Variants in KIAA1549L observed in about 807,000 individuals in gnomAD.
KIAA1549L encodes the protein UPF0606 protein KIAA1549L.
KIAA1549L carries 88 observed loss-of-function variants against 160.7 expected under a neutral mutation model. The ratio of observed to expected loss-of-function variants is 0.55; its 90% confidence interval spans 0.46 to 0.65. The LOEUF (loss-of-function observed/expected upper bound fraction) is 0.65, where lower values mean the gene tolerates loss of function less well. Among genes scored for constraint, KIAA1549L ranks in the 30% least tolerant of loss-of-function variants. The probability of loss-of-function intolerance (pLI) is 0.00; values close to 1 mark genes in which losing one functional copy is unlikely to be tolerated. For missense variants in KIAA1549L, 2,258 were observed against 2,437.5 expected (o/e 0.93, Z 1.55); for synonymous variants, 950 against 976.7 (o/e 0.97, Z 0.51).
intron 16 of KIAA1549L, among the ~76,000 whole-genome samples, chr11:33,642,403 T>G (rs1590430895): frequency 6.6e-6 from 1 of 152,214 alleles, no homozygotes; most frequent in South Asian, 2.1e-4. Context: ...GGCAAGTTAC[T>G]TCTATAGAAG....
chr11:33,666,188 C>T (rs1408998318), intron 20 of KIAA1549L, among the ~76,000 whole-genome samples: 1 of 152,058 alleles, frequency 6.6e-6, no homozygotes, highest in African/African-American at 2.4e-5. Context: ...CTCCATAGAG[C>T]AGGAGGCCTG....
chr11:33,609,690 T>A lies in KIAA1549L; in HGVS notation c.5062-59T>A, dbSNP rs184006040. 344 of 1,347,918 alleles carry A rather than the reference T, an allele frequency of 2.6e-4. 1 individual carries two copies. In the African/African-American group the frequency reaches 4.1e-3, roughly 16 times the overall value. 83.5% of individuals were successfully genotyped at this position (1,347,918 alleles called of 1,614,324 possible). A position where few individuals can be genotyped will look rare whatever the true frequency, so the allele number is the denominator to read the frequency against. On this transcript the variant is annotated intron_variant, in intron 14 of 20. Coordinates refer to ENST00000658780, the MANE Select transcript of KIAA1549L (RefSeq NM_012194.3). ...AGAAGTGATAACCTCCTGGTGAAAG[T>A]CTCCCACCTGCCGGCCCCACTGGGT...
chr11:33,515,719 A>G (rs1853328493), intron 1 of KIAA1549L, among the ~76,000 whole-genome samples: 1 of 151,896 alleles, frequency 6.6e-6, no homozygotes, highest in Non-Finnish European at 1.5e-5. Flanking sequence ...CCTCTTTTTC[A>G]TTTGGTTTCT....
At chr11:33,553,940 A>G (rs1854560014) in intron 6 of KIAA1549L, among the ~76,000 whole-genome samples, 1 of 152,240 alleles carries the variant, frequency 6.6e-6, no homozygotes, top group African/African-American at 2.4e-5. Flanking sequence ...ATAGGAGGTG[A>G]TTCGAAGATT....
chr11:33,581,607 C>T (rs1012331070), intron 10 of KIAA1549L, among the ~76,000 whole-genome samples: 2 of 152,138 alleles, frequency 1.3e-5, no homozygotes, highest in South Asian at 2.1e-4. Flanking sequence ...CCTATCACAG[C>T]GCCTAACACA....
At chr11:33,437,919 C>CCTGGTTT (rs1417992131) in intron 1 of KIAA1549L, among the ~76,000 whole-genome samples, 1 of 152,148 alleles carries the variant, frequency 6.6e-6, no homozygotes, top group Non-Finnish European at 1.5e-5. Flanking sequence ...TTTCCTGGTT[C>CCTGGTTT]CTGGTTTGCA....
chr11:33,462,076 C>T (rs184879028), intron 1 of KIAA1549L, among the ~76,000 whole-genome samples: 8 of 152,288 alleles, frequency 5.3e-5, no homozygotes, highest in East Asian at 1.9e-4. Context: ...ATTTTTAATC[C>T]GTAAGCGGAT....
intron 20 of KIAA1549L, among the ~76,000 whole-genome samples, chr11:33,664,859 A>T (rs940593733): frequency 3.3e-5 from 5 of 152,238 alleles, no homozygotes; most frequent in African/African-American, 1.2e-4. Flanking sequence ...TTCCTGCTCC[A>T]TCCTCCCTTA....
intron 1 of KIAA1549L, among the ~76,000 whole-genome samples, chr11:33,534,730 T>C (rs1261938508): frequency 1.3e-5 from 2 of 152,214 alleles, no homozygotes; most frequent in Non-Finnish European, 2.9e-5. Flanking sequence ...TTACAATCTT[T>C]ATTTCATGAC....
chr11:33,466,644 T>C (rs993238591), intron 1 of KIAA1549L, among the ~76,000 whole-genome samples: 1 of 152,186 alleles, frequency 6.6e-6, no homozygotes, highest in Admixed American at 6.5e-5. Context: ...TTATAAATCA[T>C]GCTACTGTAA....
intron 17 of KIAA1549L, among the ~76,000 whole-genome samples, chr11:33,649,796 G>A (rs1422610738): frequency 6.8e-6 from 1 of 147,974 alleles, no homozygotes; most frequent in African/African-American, 2.5e-5. Flanking sequence ...GGAGGCTGAA[G>A]TTGGAGAATT....
At chr11:33,549,915 G>A (rs1433745568) in intron 4 of KIAA1549L, among the ~76,000 whole-genome samples, 1 of 151,892 alleles carries the variant, frequency 6.6e-6, no homozygotes, top group African/African-American at 2.4e-5. Flanking sequence ...TGAGGTGGGA[G>A]AAATGCTTGA....
intron 9 of KIAA1549L, among the ~76,000 whole-genome samples, chr11:33,572,876 C>T (rs1855312496): frequency 6.6e-6 from 1 of 152,180 alleles, no homozygotes; most frequent in Non-Finnish European, 1.5e-5. Flanking sequence ...AACTGCCAGA[C>T]CTTTCTTCAA....
At chr11:33,407,638 C>T (rs181619094) in intron 1 of KIAA1549L, among the ~76,000 whole-genome samples, 5 of 152,268 alleles carry the variant, frequency 3.3e-5, no homozygotes, top group East Asian at 1.9e-4. Flanking sequence ...CCTGAGCCAC[C>T]GTGCCCTGCC....
intron 1 of KIAA1549L, among the ~76,000 whole-genome samples, chr11:33,441,130 C>T (rs1851494677): frequency 6.8e-6 from 1 of 147,218 alleles, no homozygotes; most frequent in South Asian, 2.2e-4. Flanking sequence ...TCCATGTGTT[C>T]TCATTGTTCA....
intron 1 of KIAA1549L, among the ~76,000 whole-genome samples, chr11:33,520,684 A>AAC (rs60029190): frequency 0.041 from 3,467 of 84,708 alleles, 186 homozygotes; most frequent in Admixed American, 0.05. Flanking sequence ...CCCCACCCCC[A>AAC]ACACACACAC....
intron 15 of KIAA1549L, among the ~76,000 whole-genome samples, chr11:33,614,620 T>C (rs1850761957): frequency 1.0e-5 from 1 of 95,756 alleles, no homozygotes; most frequent in Admixed American, 1.2e-4. Context: ...TTTTTTGGTG[T>C]AGGGGCTGGG....
intron 20 of KIAA1549L, among the ~76,000 whole-genome samples, chr11:33,661,964 C>T (rs1852280968): frequency 6.6e-6 from 1 of 151,058 alleles, no homozygotes; most frequent in Non-Finnish European, 1.5e-5. Flanking sequence ...AGTCTTACCC[C>T]TTTAATTTCC....
chr11:33,543,397 A>G lies in KIAA1549L; in HGVS notation c.1834A>G (p.Ile612Val). Residue 612 changes from isoleucine to valine, a missense_variant, in exon 2 of 21, where the codon ATT becomes GTT. Coordinates refer to ENST00000658780, the MANE Select transcript of KIAA1549L (RefSeq NM_012194.3). ...FSTGSVSSPI[I>V]TAPRTNPLPS... ...CACCGGTAGTGTCTCATCTCCCATC[A>G]TTACAGCACCAAGGACGAATCCCCT... 6.2e-7 allele frequency: 1 copy of G among 1,613,984 alleles called. No homozygotes were observed. Among genetic ancestry groups the G allele is most frequent in the African/African-American group, 1.3e-5 (1 of 75,046 alleles).
Sources: allele counts gnomAD v4.1 joint callset (sites outside exome capture counted in the v4.1 genomes callset), GRCh38; gene constraint gnomAD v4.1.1; transcripts MANE v1.5; gene names NCBI Gene and HGNC (gene_info 2026-07-23, HGNC 2026-07-21).